Variants in CSMD1 observed in about 807,000 individuals in gnomAD.
The protein encoded by CSMD1 is CUB and sushi domain-containing protein 1.
In CSMD1, 213 loss-of-function variants were observed where a neutral mutation model predicts 417.5. The observed-to-expected ratio is 0.51, with a 90% CI of 0.46 to 0.57. CSMD1 has a LOEUF of 0.57. Ranked by LOEUF, CSMD1 falls within the 20% of genes least tolerant of loss-of-function variation. CSMD1 has a pLI of 0.00. For missense variants in CSMD1, 6,923 were observed against 4,529.7 expected, an observed-to-expected ratio of 1.53 and a Z score of -15.17; for synonymous variants, 2,862 against 1,736.8, an observed-to-expected ratio of 1.65 and a Z score of -16.11.
intron 1 of CSMD1, among the ~76,000 whole-genome samples, chr8:4,706,320 A>G (rs1176502331): frequency 2.0e-5 from 3 of 152,132 alleles, no homozygotes; most frequent in African/African-American, 7.2e-5. Context: ...TAAGAAATAA[A>G]TAAAATACTT....
chr8:4,952,047 A>G lies in CSMD1; in HGVS notation c.85+42285T>C, dbSNP rs575950677. 7.9e-5 allele frequency among the ~76,000 whole-genome samples: 12 copies of G among 151,588 alleles called. No homozygotes were observed. In the East Asian group the frequency reaches 1.9e-3, roughly 24 times the overall value. ...AGAAATACATATATATACACAAAAT[A>G]TATTTTACACGTAATTGTAAGCAAA... On this transcript the variant is annotated intron_variant, in intron 1 of 69. Coordinates refer to ENST00000635120, the MANE Select transcript of CSMD1 (RefSeq NM_033225.6).
At chr8:3,578,764 C>A (rs1437462393) in intron 9 of CSMD1, among the ~76,000 whole-genome samples, 2 of 152,182 alleles carry the variant, frequency 1.3e-5, no homozygotes, top group Non-Finnish European at 2.9e-5. Context: ...CATAGCATCC[C>A]TGGAGGCAGG....
At chr8:3,823,644 C>T (rs892964648) in intron 5 of CSMD1, among the ~76,000 whole-genome samples, 2 of 151,936 alleles carry the variant, frequency 1.3e-5, no homozygotes, top group African/African-American at 4.8e-5. Flanking sequence ...TAATGTATAA[C>T]AATAAAAATA....
intron 3 of CSMD1, among the ~76,000 whole-genome samples, chr8:4,231,978 CTAATCAT>C (rs1801761333): frequency 6.6e-6 from 1 of 152,092 alleles, no homozygotes; most frequent in Non-Finnish European, 1.5e-5. Context: ...TTGCAAAAGG[CTAATCAT>C]TTTGTAAAGC....
chr8:4,177,510 A>C (rs1447110475), intron 3 of CSMD1, among the ~76,000 whole-genome samples: 1 of 152,190 alleles, frequency 6.6e-6, no homozygotes, highest in Non-Finnish European at 1.5e-5. Context: ...CGAACATCAC[A>C]ATTAAAAGAA....
chr8:4,595,640 G>T (rs184576546), intron 2 of CSMD1, among the ~76,000 whole-genome samples: 34 of 152,240 alleles, frequency 2.2e-4, no homozygotes, highest in African/African-American at 7.9e-4. Context: ...TGCGATGCAT[G>T]TCTGTAGTCC....
At chr8:3,603,021 C>G (rs928434122) in intron 8 of CSMD1, among the ~76,000 whole-genome samples, 1 of 152,092 alleles carries the variant, frequency 6.6e-6, no homozygotes, top group African/African-American at 2.4e-5. Context: ...GATATTCCAC[C>G]AGCCCTATTT....
At chr8:3,668,926 T>A (rs1466100308) in intron 7 of CSMD1, among the ~76,000 whole-genome samples, 1 of 152,162 alleles carries the variant, frequency 6.6e-6, no homozygotes, top group African/African-American at 2.4e-5. Context: ...CCATAGCTCT[T>A]TGAGAGGCGT....
intron 3 of CSMD1, among the ~76,000 whole-genome samples, chr8:4,124,194 A>G (rs1714793): frequency 0.99 from 150,637 of 152,216 alleles, 74,561 homozygotes; most frequent in East Asian, 1. Flanking sequence ...GGTGGGCAGT[A>G]CGACCAGGAG....
chr8:3,972,868 C>T (rs111764134), intron 5 of CSMD1, among the ~76,000 whole-genome samples: 112 of 151,312 alleles, frequency 7.4e-4, no homozygotes, highest in African/African-American at 2.4e-3. Context: ...AAAGAGCAAA[C>T]GGAAAAAATA....
chr8:3,602,662 T>C (rs1186892991), intron 8 of CSMD1, among the ~76,000 whole-genome samples: 2 of 152,022 alleles, frequency 1.3e-5, no homozygotes, highest in Non-Finnish European at 2.9e-5. Flanking sequence ...AATTCTAATG[T>C]ATGGAAGAAA....
chr8:3,313,730 G>A (rs1011055936), intron 23 of CSMD1, among the ~76,000 whole-genome samples: 1 of 152,122 alleles, frequency 6.6e-6, no homozygotes, highest in Non-Finnish European at 1.5e-5. Context: ...CAGGGATCTA[G>A]AACTAGAAAT....
chr8:2,996,057 C>G (rs1037201206), intron 54 of CSMD1, among the ~76,000 whole-genome samples: 1 of 151,884 alleles, frequency 6.6e-6, no homozygotes, highest in Non-Finnish European at 1.5e-5. Flanking sequence ...GGGTAGGGGA[C>G]AAAAAGGACC....
chr8:3,588,035 C>T (rs763787195), intron 8 of CSMD1, among the ~76,000 whole-genome samples: 1 of 151,986 alleles, frequency 6.6e-6, no homozygotes, highest in African/African-American at 2.4e-5. Flanking sequence ...CTGCCGCCAT[C>T]GTTTTTGATC....
chr8:4,642,981 G>A (rs1418352020), intron 1 of CSMD1, among the ~76,000 whole-genome samples: 7 of 152,180 alleles, frequency 4.6e-5, no homozygotes, highest in Admixed American at 3.9e-4. Flanking sequence ...TGATGGACAG[G>A]ACTGCAGAGG....
intron 3 of CSMD1, among the ~76,000 whole-genome samples, chr8:4,391,075 G>C (rs1039493853): frequency 2.6e-5 from 4 of 152,166 alleles, no homozygotes; most frequent in East Asian, 1.9e-4. Context: ...TCGTTGTCTA[G>C]ATCCTGGAAT....
chr8:4,783,401 C>G (rs189252771), intron 1 of CSMD1, among the ~76,000 whole-genome samples: 1 of 152,214 alleles, frequency 6.6e-6, no homozygotes, highest in African/African-American at 2.4e-5. Flanking sequence ...GCTGAAACTA[C>G]ATTCTGACTC....
In CSMD1 at chr8:3,856,624, C is replaced by G. The variant is rs2975371; in HGVS notation, c.819-102582G>C. Among the ~76,000 whole-genome samples the G allele has an allele frequency of 3.2e-3, 487 of 152,202 alleles. 5 individuals carry two copies. The highest frequency in any genetic ancestry group is 0.011 in the African/African-American group (477 of 41,530). On this transcript the variant is annotated intron_variant, in intron 5 of 69. Coordinates refer to ENST00000635120, the MANE Select transcript of CSMD1 (RefSeq NM_033225.6). ...ATTTTATAGTCCTTTTCTATGGTGC[C>G]CCTCCCTGCAGCAGCAGTAAACGTT... is the stretch of plus-strand genomic sequence containing the variant.
chr8:3,293,332 T>C (rs1401682811), intron 25 of CSMD1, among the ~76,000 whole-genome samples: 2 of 152,170 alleles, frequency 1.3e-5, no homozygotes, highest in African/African-American at 4.8e-5. Flanking sequence ...AGGAGTATCT[T>C]TGTGGCGTTC....
Sources: allele counts gnomAD v4.1 joint callset (sites outside exome capture counted in the v4.1 genomes callset), GRCh38; gene constraint gnomAD v4.1.1; transcripts MANE v1.5; gene names NCBI Gene and HGNC (gene_info 2026-07-23, HGNC 2026-07-21).